ELK3: variants seen among roughly 807,000 people sequenced by gnomAD.
ELK3 encodes the protein ETS transcription factor ELK3.
ELK3 carries 10 observed loss-of-function variants against 28.9 expected under a neutral mutation model. The ratio of observed to expected loss-of-function variants is 0.35; its 90% confidence interval spans 0.21 to 0.59. The LOEUF (loss-of-function observed/expected upper bound fraction) is 0.59. Ranked by LOEUF, ELK3 falls within the 20% of genes least tolerant of loss-of-function variation. The probability of loss-of-function intolerance (pLI) is 0.82; values close to 1 mark genes in which losing one functional copy is unlikely to be tolerated. For synonymous variants in ELK3, 272 were observed against 243.5 expected, an observed-to-expected ratio of 1.12 and a Z score of -1.09; for missense variants, 463 against 517.3, an observed-to-expected ratio of 0.90 and a Z score of 1.02.
chr12:96,243,283 T>C (rs1951833787), intron 2 of ELK3, among the ~76,000 whole-genome samples: 2 of 152,232 alleles, frequency 1.3e-5, no homozygotes, highest in South Asian at 4.1e-4. Context: ...CATTACCTCC[T>C]TCCTTCCACC....
chr12:96,222,043 A>G (rs924157090), intron 1 of ELK3, among the ~76,000 whole-genome samples: 1 of 151,870 alleles, frequency 6.6e-6, no homozygotes, highest in Admixed American at 6.6e-5. Flanking sequence ...TCTCCCTCCT[A>G]TCCAAGGGGA....
chr12:96,246,231 G>A (rs1019047536), intron 2 of ELK3, among the ~76,000 whole-genome samples: 6 of 152,084 alleles, frequency 3.9e-5, no homozygotes, highest in African/African-American at 1.4e-4. Context: ...CCTAGCAGGT[G>A]GTCATGTGAG....
chr12:96,220,382 A>AT (rs35309478), intron 1 of ELK3, among the ~76,000 whole-genome samples: 40,454 of 100,232 alleles, frequency 0.4, 8,795 homozygotes, highest in South Asian at 0.48. Context: ...CTTTTTCGTG[A>AT]TTTTTTTTTT....
chr12:96,194,682 C>T lies in ELK3; in HGVS notation c.-26C>T. 6.6e-6 allele frequency: 1 copy of T among 150,930 alleles called. No homozygotes were observed. The highest frequency in any genetic ancestry group is 1.5e-5 in the Non-Finnish European group (1 of 67,902). 9.3% of individuals were successfully genotyped at this position (150,930 alleles called of 1,614,324 possible). A position where few individuals can be genotyped will look rare whatever the true frequency, so the allele number is the denominator to read the frequency against. ...CCCGGGTCCTCCTAGAAATTCCCCC[C>T]GAAGAAGACTCCCCCACATCTGGGT... On this transcript the variant is annotated 5_prime_UTR_variant, in exon 1 of 5. Transcript: ENST00000228741.
In ELK3 at chr12:96,247,867, T is replaced by G. The variant is rs765685494; in HGVS notation, c.1002+133T>G. 3.4e-6 allele frequency: 4 copies of G among 1,168,616 alleles called. No individual in the cohort carries two copies. Among genetic ancestry groups the G allele is most frequent in the Non-Finnish European group, 4.6e-6 (4 of 864,062 alleles). 72.4% of individuals were successfully genotyped at this position (1,168,616 alleles called of 1,614,324 possible). On this transcript the variant is annotated intron_variant, in intron 3 of 4. Transcript: ENST00000228741. This position sits in a 1 kb window ranked among gnomAD's most constrained non-coding sequence, Gnocchi z 5.5. ...ACTCGTACCGAGGTCACTGTGTAAATGTGAAGGGAAGCTGCTTTTCCATCC... is the reference window on the plus strand; with the variant it reads ...ACTCGTACCGAGGTCACTGTGTAAAGGTGAAGGGAAGCTGCTTTTCCATCC...
chr12:96,203,448 G>A (rs1951519129), intron 1 of ELK3, among the ~76,000 whole-genome samples: 1 of 152,132 alleles, frequency 6.6e-6, no homozygotes, highest in African/African-American at 2.4e-5. Context: ...CTCATCCTTT[G>A]TATTATCTCA....
intron 1 of ELK3, among the ~76,000 whole-genome samples, chr12:96,207,843 T>G (rs1157179682): frequency 1.3e-5 from 2 of 152,236 alleles, no homozygotes; most frequent in Non-Finnish European, 2.9e-5. Flanking sequence ...CAATTAACCC[T>G]TTGTATAATA....
At chr12:96,236,046 G>A (rs995178345) in intron 2 of ELK3, among the ~76,000 whole-genome samples, 1 of 152,026 alleles carries the variant, frequency 6.6e-6, no homozygotes, top group African/African-American at 2.4e-5. Context: ...GGCTGGTCTC[G>A]AACTTCTGAC....
intron 2 of ELK3, among the ~76,000 whole-genome samples, chr12:96,231,888 C>T (rs1018309907): frequency 6.6e-6 from 1 of 152,290 alleles, no homozygotes; most frequent in South Asian, 2.1e-4. Flanking sequence ...TACCTCCTTC[C>T]TCCTGAGGGG....
chr12:96,239,733 C>T (rs905914642), intron 2 of ELK3, among the ~76,000 whole-genome samples: 7 of 152,238 alleles, frequency 4.6e-5, no homozygotes, highest in East Asian at 1.9e-4. Context: ...AGCAGCTTCC[C>T]GTTGGCCTCT....
chr12:96,226,008 T>TGTA (rs1288285238), intron 2 of ELK3, among the ~76,000 whole-genome samples: 1 of 152,026 alleles, frequency 6.6e-6, no homozygotes, highest in East Asian at 1.9e-4. Flanking sequence ...AGTGCATGCC[T>TGTA]GTAGTCTCAG....
intron 2 of ELK3, among the ~76,000 whole-genome samples, chr12:96,228,416 CAAAAA>C (rs71091236): frequency 3.1e-4 from 21 of 68,330 alleles, no homozygotes; most frequent in East Asian, 2.2e-3. Flanking sequence ...GACTCTGTGT[CAAAAA>C]AAAAAAAAAA....
rs766199220 is a variant in ELK3 at position 96,259,840 on chromosome 12, G to GC, written c.1113dup (p.Thr372HisfsTer10). 2 of 1,602,394 alleles carry GC rather than the reference G, an allele frequency of 1.2e-6. No homozygotes were observed. The highest frequency in any genetic ancestry group is 1.7e-5 in the Admixed American group (1 of 59,284). ...AGTCCTGCCAGGCTGCAAGGGCCAA[G>GC]CACGCTGTTCCAGGTGAGCGTTTGG... On this transcript the variant is annotated frameshift_variant, in exon 4 of 5. Coordinates refer to ENST00000228741, the MANE Select transcript of ELK3 (RefSeq NM_005230.4). LOFTEE classifies it high-confidence loss of function.
chr12:96,254,203 T>C (rs1951929154), intron 3 of ELK3, among the ~76,000 whole-genome samples: 1 of 152,288 alleles, frequency 6.6e-6, no homozygotes, highest in Non-Finnish European at 1.5e-5. Context: ...TGCATGCCTG[T>C]AATCTCAGCT....
chr12:96,241,070 A>T (rs1565787226), intron 2 of ELK3, among the ~76,000 whole-genome samples: 2 of 152,172 alleles, frequency 1.3e-5, no homozygotes, highest in South Asian at 4.1e-4. Flanking sequence ...TTTTCAGTTT[A>T]AAAATGCCAG....
chr12:96,201,093 TGTG>T (rs564785443), intron 1 of ELK3, among the ~76,000 whole-genome samples: 319 of 152,350 alleles, frequency 2.1e-3, no homozygotes, highest in African/African-American at 7.3e-3. Context: ...GATAAAATAT[TGTG>T]GTATTTTATT....
At chr12:96,234,831 G>A (rs1421768987) in intron 2 of ELK3, among the ~76,000 whole-genome samples, 1 of 152,166 alleles carries the variant, frequency 6.6e-6, no homozygotes, top group Non-Finnish European at 1.5e-5. Context: ...TGACCCCCAA[G>A]GCCCATGCCT....
intron 1 of ELK3, among the ~76,000 whole-genome samples, chr12:96,214,410 G>A (rs1442615262): frequency 6.6e-6 from 1 of 151,092 alleles, no homozygotes; most frequent in African/African-American, 2.4e-5. Flanking sequence ...CAGCCTGGGC[G>A]ACAGAGCAAG....
rs141995845 is a variant in ELK3, at chr12:96,247,998, C to T, written c.1002+264C>T. On this transcript the variant is annotated intron_variant, in intron 3 of 4. Transcript: ENST00000228741. The surrounding 1 kb of genome is among the most constrained non-coding windows in gnomAD (Gnocchi z 5.5). ...GCCTAAAGTGACCATAGGTGGAACA[C>T]GCACACTGGCCGACAAAGCAGATCT... 4.9e-4 allele frequency among the ~76,000 whole-genome samples: 74 copies of T among 152,272 alleles called. No individual in the cohort carries two copies. The highest frequency in any genetic ancestry group is 2.8e-3 in the Admixed American group (43 of 15,302).
Sources: allele counts gnomAD v4.1 joint callset (sites outside exome capture counted in the v4.1 genomes callset), GRCh38; gene constraint gnomAD v4.1.1; non-coding constraint Gnocchi (gnomAD v3.1); transcripts MANE v1.5; gene names NCBI Gene and HGNC (gene_info 2026-07-23, HGNC 2026-07-21).